The following ADGRB1 variants were observed in gnomAD, a reference collection of about 807,000 sequenced individuals.
ADGRB1 encodes brain-specific angiogenesis inhibitor 1.
ADGRB1 carries 36 observed loss-of-function variants against 175.7 expected under a neutral mutation model. The ratio of observed to expected loss-of-function variants is 0.20; its 90% CI spans 0.16 to 0.27. The LOEUF (loss-of-function observed/expected upper bound fraction) is 0.27, where lower values mean the gene tolerates loss of function less well. ADGRB1 is among the 10% of genes least tolerant of loss of function. ADGRB1 has a pLI of 1.00. For synonymous variants in ADGRB1, 1,054 were observed against 979.4 expected (o/e 1.08, Z -1.42); for missense variants, 1,731 against 2,255.3 (o/e 0.77, Z 4.71).
In ADGRB1 at chr8:142,541,957, C is replaced by T. The variant is rs770787234; in HGVS notation, c.3723C>T (p.Ile1241=). ...LACRSVLNKD[I]AACRTATITG... is the part of the protein sequence containing the mutation. ...CCCCTGCAGTGCTGAACAAGGACAT[C>T]GCGGCCTGCCGCACTGCCACCATCA... Residue 1241 remains isoleucine (I), a synonymous_variant, in exon 28 of 31, where the codon ATC becomes ATT. Coordinates refer to ENST00000517894, the MANE Select transcript of ADGRB1 (RefSeq NM_001702.3). The T allele has an allele frequency of 3.3e-5, 51 of 1,555,498 alleles. No individual in the cohort carries two copies. Among genetic ancestry groups the T allele is most frequent in the South Asian group, 1.1e-4 (9 of 85,106 alleles).
intron 18 of ADGRB1, among the ~76,000 whole-genome samples, chr8:142,512,921 G>A (rs1440097779): frequency 3.3e-5 from 5 of 151,998 alleles, no homozygotes; most frequent in Non-Finnish European, 4.4e-5. Flanking sequence ...CCCACTATGT[G>A]CCCCAGTGCA....
chr8:142,466,589 C>T (rs1027037495), intron 2 of ADGRB1, among the ~76,000 whole-genome samples: 11 of 152,202 alleles, frequency 7.2e-5, no homozygotes, highest in African/African-American at 2.2e-4. Flanking sequence ...CGTCAGGTGC[C>T]GCCAGCGGCT....
intron 17 of ADGRB1, among the ~76,000 whole-genome samples, chr8:142,503,448 C>G (rs1006513120): frequency 3.9e-5 from 6 of 152,082 alleles, no homozygotes; most frequent in African/African-American, 7.2e-5. Context: ...TTGACCTTGC[C>G]ACTGGGTACC....
chr8:142,464,189 G>A lies in ADGRB1; in HGVS notation c.-10G>A. On this transcript the variant is annotated 5_prime_UTR_variant, in exon 2 of 31. Coordinates refer to ENST00000517894, the MANE Select transcript of ADGRB1 (RefSeq NM_001702.3). Reference sequence around the variant, plus strand: ...CAGCCCGCGGAACCCCGGCGGCCCCGCGAGCTAGGATGAGGGGCCAGGCCG... The same window carrying A: ...CAGCCCGCGGAACCCCGGCGGCCCCACGAGCTAGGATGAGGGGCCAGGCCG... The A allele has an allele frequency of 8.1e-7, 1 of 1,231,888 alleles. No homozygotes were observed. Among genetic ancestry groups the A allele is most frequent in the Admixed American group, 4.5e-5 (1 of 22,192 alleles). 76.3% of individuals were successfully genotyped at this position (1,231,888 alleles called of 1,614,324 possible).
At chr8:142,520,598 ATGG>A (rs539892628) in intron 19 of ADGRB1, among the ~76,000 whole-genome samples, 40 of 147,804 alleles carry the variant, frequency 2.7e-4, no homozygotes, top group Non-Finnish European at 5.2e-4. Context: ...ACTGATTGTG[ATGG>A]TGGTGATGGT....
intron 13 of ADGRB1, among the ~76,000 whole-genome samples, chr8:142,487,442 G>A (rs1841728885): frequency 6.6e-6 from 1 of 152,144 alleles, no homozygotes; most frequent in African/African-American, 2.4e-5. Context: ...CCTCCACTGG[G>A]GCTGCCAGTG....
At chr8:142,517,715 C>T (rs994825753) in intron 18 of ADGRB1, among the ~76,000 whole-genome samples, 2 of 152,038 alleles carry the variant, frequency 1.3e-5, no homozygotes, top group Admixed American at 6.6e-5. Flanking sequence ...GGAGTCAAAG[C>T]GGCTGCTGCC....
At chr8:142,476,131 A>G (rs1419486404) in intron 3 of ADGRB1, among the ~76,000 whole-genome samples, 1 of 152,246 alleles carries the variant, frequency 6.6e-6, no homozygotes, top group Non-Finnish European at 1.5e-5. Flanking sequence ...TAATGACCCC[A>G]TGCATTTTTT....
At position 142,510,812 on chromosome 8, in the gene ADGRB1, G is replaced by T; in HGVS notation, c.2676-120G>T. The stretch of plus-strand genomic sequence containing the variant: ...GGCGCGCGGCTGCGGGCGCAGGTGC[G>T]GGGCGGCGGGCCGGGGCCGGGGCCG... On this transcript the variant is annotated intron_variant, in intron 17 of 30. Coordinates refer to ENST00000517894, the MANE Select transcript of ADGRB1 (RefSeq NM_001702.3). The surrounding 1 kb of genome is among the most constrained non-coding windows in gnomAD (Gnocchi z 6.3). 1 of 367,338 alleles carries T rather than the reference G, an allele frequency of 2.7e-6. No homozygotes were observed. Among genetic ancestry groups the T allele is most frequent in the South Asian group, 1.1e-4 (1 of 9,124 alleles). The allele number at this position is 367,338 out of a possible 1,614,324, so 22.8% of individuals were successfully genotyped here. A position where few individuals can be genotyped will look rare whatever the true frequency, so the allele number is the denominator to read the frequency against.
rs1843118798 is a variant in ADGRB1 at position 142,511,766 on chromosome 8, C to T, written c.2817+693C>T. 6.6e-6 allele frequency among the ~76,000 whole-genome samples: 1 copy of T among 152,244 alleles called. No individual in the cohort carries two copies. Among genetic ancestry groups the T allele is most frequent in the Non-Finnish European group, 1.5e-5 (1 of 68,028 alleles). ...TTGCTTTGGGCCGGCCAAGCTGCAC[C>T]CCCTGGCCTGAGGTGGGCCACAGCC... On this transcript the variant is annotated intron_variant, in intron 18 of 30. Transcript: ENST00000517894. This position sits in a 1 kb window ranked among gnomAD's most constrained non-coding sequence, Gnocchi z 4.5.
At chr8:142,468,209 C>CGTGT (rs373888504) in intron 2 of ADGRB1, among the ~76,000 whole-genome samples, 6 of 150,066 alleles carry the variant, frequency 4.0e-5, no homozygotes, top group Non-Finnish European at 7.4e-5. Context: ...AGTGTGGGTG[C>CGTGT]GTGTGTGTGT....
intron 2 of ADGRB1, among the ~76,000 whole-genome samples, chr8:142,467,511 T>G (rs1020644310): frequency 2.6e-5 from 4 of 151,966 alleles, no homozygotes; most frequent in Non-Finnish European, 5.9e-5. Flanking sequence ...GTTGAGGAAG[T>G]GGGGCTGGGG....
intron 24 of ADGRB1, 141 bp downstream of exon 24, chr8:142,526,768 A>C (rs1844227229): frequency 3.6e-6 from 3 of 834,306 alleles, no homozygotes; most frequent in Non-Finnish European, 5.9e-6. Context: ...AAACGGAGGC[A>C]CTGAGTACAG....
At position 142,464,220 on chromosome 8, in the gene ADGRB1, C is replaced by G. The variant is rs1840118613; in HGVS notation, c.22C>G (p.Pro8Ala). The G allele has an allele frequency of 7.7e-7, 1 of 1,302,434 alleles. No homozygotes were observed. Among genetic ancestry groups the G allele is most frequent in the Non-Finnish European group, 9.7e-7 (1 of 1,032,352 alleles). The allele number at this position is 1,302,434 out of a possible 1,614,324, so 80.7% of individuals were successfully genotyped here. A position where few individuals can be genotyped will look rare whatever the true frequency, so the allele number is the denominator to read the frequency against. Residue 8 changes from proline to alanine, a missense_variant, in exon 2 of 31, where the codon CCG (proline) becomes GCG (alanine). Pro to Ala is a conservative substitution (Grantham distance 27, BLOSUM62 -1). Around this residue, in one of 8 missense-constraint regions of ADGRB1, gnomAD observed 383 missense variants for 383.1 expected, o/e 1.00. Transcript: ENST00000517894. The part of the protein sequence containing the change: MRGQAAA[P>A]GPVWILAPLL... Reference sequence around the variant, plus strand: ...TAGGATGAGGGGCCAGGCCGCCGCCCCGGGCCCCGTCTGGATCCTCGCCCC... The same window carrying G: ...TAGGATGAGGGGCCAGGCCGCCGCCGCGGGCCCCGTCTGGATCCTCGCCCC...
chr8:142,453,015 C>T (rs1249727581), intron 1 of ADGRB1, among the ~76,000 whole-genome samples: 2 of 143,502 alleles, frequency 1.4e-5, no homozygotes, highest in Non-Finnish European at 1.5e-5. Context: ...GCCCCGGCCG[C>T]CACCTCCCTC....
At chr8:142,539,553 G>C in intron 27 of ADGRB1, 140 bp downstream of exon 27, 1 of 1,076,944 alleles carries the variant, frequency 9.3e-7, no homozygotes, top group African/African-American at 1.6e-5. Context: ...CACACCGTCA[G>C]GCCCACCTGG....
At chr8:142,523,550 TCCCCA>T (rs1563739133) in intron 22 of ADGRB1, among the ~76,000 whole-genome samples, 40 of 151,432 alleles carry the variant, frequency 2.6e-4, no homozygotes, top group African/African-American at 9.7e-4. Flanking sequence ...CCAAACACTG[TCCCCA>T]GAGATGAGAG....
chr8:142,508,208 T>C (rs751331224), intron 17 of ADGRB1, among the ~76,000 whole-genome samples: 6 of 152,166 alleles, frequency 3.9e-5, no homozygotes, highest in Non-Finnish European at 2.9e-5. Flanking sequence ...GGGAGTTACC[T>C]GAGCCTCCCT....
rs1261993598 is a variant in ADGRB1 at position 142,536,670 on chromosome 8, T to G, written c.3571-317T>G. Among the ~76,000 whole-genome samples, 4 of 151,316 alleles carry G rather than the reference T, an allele frequency of 2.6e-5. No individual in the cohort carries two copies. In the East Asian group the frequency reaches 7.9e-4, roughly 30 times the overall value. On this transcript the variant is annotated intron_variant, in intron 25 of 30. Coordinates refer to ENST00000517894, the MANE Select transcript of ADGRB1 (RefSeq NM_001702.3). ...AGGTCCAGGGACATCTTCGGCCCGC[T>G]GCAGGTCAGGGCAGGTTCTCGCAGG... is the stretch of plus-strand genomic sequence containing the variant.
Sources: allele counts gnomAD v4.1 joint callset (sites outside exome capture counted in the v4.1 genomes callset), GRCh38; gene constraint gnomAD v4.1.1; regional missense constraint gnomAD v4.1.1; non-coding constraint Gnocchi (gnomAD v3.1); transcripts MANE v1.5; gene names NCBI Gene and HGNC (gene_info 2026-07-23, HGNC 2026-07-21).